Variants in DEFB1 observed in about 807,000 individuals in gnomAD.
DEFB1 encodes defensin beta 1, also known as beta-defensin 1.
DEFB1 carries 4 observed loss-of-function variants against 2.6 expected under a neutral mutation model. The observed-to-expected ratio is 1.53, with a 90% CI of 0.76 to 3.51. The LOEUF (loss-of-function observed/expected upper bound fraction) is 3.51, where lower values mean the gene tolerates loss of function less well. DEFB1 is among the 30% of genes most tolerant of loss of function. DEFB1 has a pLI of 0.01. For missense variants in DEFB1, 162 were observed against 76.9 expected, an observed-to-expected ratio of 2.11 and a Z score of -4.14; for synonymous variants, 56 against 28.5, an observed-to-expected ratio of 1.96 and a Z score of -3.07.
chr8:6,870,708 G>A lies in DEFB1; in HGVS notation c.180C>T (p.Tyr60=), dbSNP rs140403947. Residue 60 remains tyrosine, a synonymous_variant, in exon 2 of 2, where the codon TAC becomes TAT. Coordinates refer to ENST00000297439, the MANE Select transcript of DEFB1 (RefSeq NM_005218.4). The part of the protein sequence containing the change: ...PIFTKIQGTC[Y]RGKAKCCK The stretch of plus-strand genomic sequence containing the variant: ...ACTTGCAGCACTTGGCCTTCCCTCT[G>A]TAACAGGTGCCTTGAATTTTGGTAA... The A allele has an allele frequency of 6.2e-7, 1 of 1,614,220 alleles. No individual in the cohort carries two copies. The highest frequency in any genetic ancestry group is 1.3e-5 in the African/African-American group (1 of 75,062).
chr8:6,872,596 T>C (rs557248054), intron 1 of DEFB1, among the ~76,000 whole-genome samples: 215 of 152,256 alleles, frequency 1.4e-3, no homozygotes, highest in African/African-American at 5.0e-3. Flanking sequence ...AAGAGTTTTT[T>C]TGTGTTGCTG....
At chr8:6,873,726 C>G (rs1017021974) in intron 1 of DEFB1, among the ~76,000 whole-genome samples, 1 of 136,358 alleles carries the variant, frequency 7.3e-6, no homozygotes, top group East Asian at 2.2e-4. Context: ...GTACTATGCT[C>G]ATTACCTGGG....
intron 1 of DEFB1, among the ~76,000 whole-genome samples, chr8:6,877,564 T>C (rs1585002667): frequency 6.6e-6 from 1 of 152,208 alleles, no homozygotes; most frequent in Non-Finnish European, 1.5e-5. Flanking sequence ...GGCAGCTGCC[T>C]GTGACAAGCG....
At chr8:6,876,993 G>A (rs962897376) in intron 1 of DEFB1, among the ~76,000 whole-genome samples, 1 of 152,184 alleles carries the variant, frequency 6.6e-6, no homozygotes, top group Non-Finnish European at 1.5e-5. Context: ...TACAGTGATG[G>A]CCTAGAGAAA....
chr8:6,875,926 G>C (rs947514196), intron 1 of DEFB1, among the ~76,000 whole-genome samples: 1 of 152,152 alleles, frequency 6.6e-6, no homozygotes, highest in African/African-American at 2.4e-5. Context: ...CTTGGGGGTA[G>C]GAGGGAGTTG....
intron 1 of DEFB1, among the ~76,000 whole-genome samples, chr8:6,873,485 G>A (rs1324722279): frequency 6.6e-6 from 1 of 152,172 alleles, no homozygotes; most frequent in Admixed American, 6.5e-5. Flanking sequence ...TCTCTAGGCA[G>A]CAGCTTCTCA....
intron 1 of DEFB1, among the ~76,000 whole-genome samples, chr8:6,874,990 A>G (rs1401407077): frequency 2.0e-5 from 3 of 151,856 alleles, no homozygotes; most frequent in Admixed American, 1.3e-4. Flanking sequence ...TCAAAAAAAA[A>G]AAAAGTTGGT....
In DEFB1 at chr8:6,870,687, G is replaced by T; in HGVS notation, c.201C>A (p.Cys67Ter). The change falls in exon 2 of 2, where the codon TGC becomes TGA. Residue 67 changes from cysteine to a stop codon, truncating the protein, a stop_gained. Coordinates refer to ENST00000297439, the MANE Select transcript of DEFB1 (RefSeq NM_005218.4). LOFTEE classifies it high-confidence loss of function. ...TCTTCTGGTCACTCCCAGCTCACTTGCAGCACTTGGCCTTCCCTCTGTAAC... is the reference window on the plus strand; with the variant it reads ...TCTTCTGGTCACTCCCAGCTCACTTTCAGCACTTGGCCTTCCCTCTGTAAC... The part of the protein sequence containing the change: ...GTCYRGKAKC[C>*]K The T allele has an allele frequency of 6.2e-7, 1 of 1,613,750 alleles. No individual in the cohort carries two copies. The highest frequency in any genetic ancestry group is 8.5e-7 in the Non-Finnish European group (1 of 1,179,956).
intron 1 of DEFB1, among the ~76,000 whole-genome samples, chr8:6,876,960 A>G (rs1364733633): frequency 1.3e-5 from 2 of 152,180 alleles, no homozygotes; most frequent in Non-Finnish European, 2.9e-5. Flanking sequence ...CATAATTGGA[A>G]TAAATTAAGC....
rs551330571 is a variant in DEFB1 at position 6,876,101 on chromosome 8, A to G, written c.61+1696T>C. Among the ~76,000 whole-genome samples, 352 of 152,346 alleles carry G rather than the reference A, an allele frequency of 2.3e-3. 1 individual carries two copies. Among genetic ancestry groups the G allele is most frequent in the African/African-American group, 8.2e-3 (341 of 41,574 alleles). The stretch of plus-strand genomic sequence containing the variant: ...ACTGCTACTCAGTAAAAACATATGC[A>G]CACACCCCAAACTGAAATATGGGTG... On this transcript the variant is annotated intron_variant, in intron 1 of 1. Transcript: ENST00000297439.
chr8:6,870,943 G>C, intron 1 of DEFB1, 117 bp from the exon 2 acceptor site: 4 of 1,177,506 alleles, frequency 3.4e-6, no homozygotes, highest in Non-Finnish European at 3.5e-6. Context: ...TCTCTTCCAA[G>C]AAATTGGCCC....
chr8:6,871,156 C>A (rs139958216), intron 1 of DEFB1, among the ~76,000 whole-genome samples: 1 of 152,180 alleles, frequency 6.6e-6, no homozygotes, highest in Non-Finnish European at 1.5e-5. Flanking sequence ...TCAACACACC[C>A]CAAAATCACA....
intron 1 of DEFB1, among the ~76,000 whole-genome samples, chr8:6,876,845 C>CAAAAAAAAAAAAAAA (rs34563802): frequency 1.7e-5 from 1 of 57,916 alleles, no homozygotes; most frequent in African/African-American, 1.0e-4. Flanking sequence ...AACCAAAAAC[C>CAAAAAAAAAAAAAAA]AAAAAAAAAA....
chr8:6,870,836 G>C lies in DEFB1; in HGVS notation c.62-10C>G, dbSNP rs1209895482. 6.8e-6 allele frequency: 11 copies of C among 1,609,284 alleles called. No homozygotes were observed. The highest frequency in any genetic ancestry group is 2.2e-5 in the East Asian group (1 of 44,816). On this transcript the variant is annotated splice_polypyrimidine_tract_variant and intron_variant, in intron 1 of 1. Coordinates refer to ENST00000297439, the MANE Select transcript of DEFB1 (RefSeq NM_005218.4). Reference sequence around the variant, plus strand: ...GTGAGAAAGTTACCACCTGTAAGGAGGGAACACAAACACTTCAGACTCATG... The same window carrying C: ...GTGAGAAAGTTACCACCTGTAAGGACGGAACACAAACACTTCAGACTCATG...
At chr8:6,877,729 G>T (rs944168295) in intron 1 of DEFB1, 68 bp downstream of exon 1, 1 of 1,418,960 alleles carries the variant, frequency 7.0e-7, no homozygotes, top group Non-Finnish European at 9.9e-7. Flanking sequence ...GCAGCCATCC[G>T]AGACTCACAT....
At chr8:6,872,642 T>C (rs1806365046) in intron 1 of DEFB1, among the ~76,000 whole-genome samples, 1 of 152,178 alleles carries the variant, frequency 6.6e-6, no homozygotes, top group Non-Finnish European at 1.5e-5. Flanking sequence ...ACTCTGGTTC[T>C]CCCATCCCAG....
intron 1 of DEFB1, 68 bp downstream of exon 1, chr8:6,877,729 G>C (rs944168295): frequency 1.4e-6 from 2 of 1,418,968 alleles, no homozygotes; most frequent in Admixed American, 1.7e-5. Flanking sequence ...GCAGCCATCC[G>C]AGACTCACAT....
chr8:6,877,361 A>G (rs919899275), intron 1 of DEFB1, among the ~76,000 whole-genome samples: 1 of 152,156 alleles, frequency 6.6e-6, no homozygotes, highest in African/African-American at 2.4e-5. Context: ...AGCTGGCCTG[A>G]TGGGTGGGGC....
intron 1 of DEFB1, among the ~76,000 whole-genome samples, chr8:6,876,635 A>G (rs1806539550): frequency 1.3e-5 from 2 of 151,874 alleles, no homozygotes; most frequent in African/African-American, 2.4e-5. Context: ...ATCTCTACGA[A>G]AAAATAAAAA....
Sources: gnomAD v4.1 joint callset for allele counts (sites outside exome capture counted in the v4.1 genomes callset) on GRCh38, gnomAD v4.1.1 for gene constraint, MANE v1.5 for transcripts, NCBI Gene and HGNC (gene_info 2026-07-23, HGNC 2026-07-21) for gene names.